Variants in KIF13B observed in about 807,000 individuals in gnomAD.
The protein encoded by KIF13B is kinesin-like protein KIF13B.
KIF13B carries 127 observed loss-of-function variants against 222.0 expected under a neutral mutation model. The observed-to-expected ratio is 0.57, with a 90% confidence interval of 0.50 to 0.66. KIF13B has a LOEUF of 0.66. Ranked by LOEUF, KIF13B falls within the 30% of genes least tolerant of loss-of-function variation. The pLI, the probability that KIF13B is intolerant of heterozygous loss-of-function variation, is 0.00. For missense variants in KIF13B, 2,173 were observed against 2,379.0 expected, an observed-to-expected ratio of 0.91 and a Z score of 1.80; for synonymous variants, 976 against 919.0, an observed-to-expected ratio of 1.06 and a Z score of -1.12.
intron 14 of KIF13B, among the ~76,000 whole-genome samples, chr8:29,152,632 C>T (rs1263477098): frequency 6.6e-6 from 1 of 151,992 alleles, no homozygotes; most frequent in African/African-American, 2.4e-5. Flanking sequence ...TTTTTTGAGA[C>T]ACAGTCTTGC....
chr8:29,177,522 T>C lies in KIF13B; in HGVS notation c.777A>G (p.Arg259=). 1 of 1,613,984 alleles carries C rather than the reference T, an allele frequency of 6.2e-7. No homozygotes were observed. Among genetic ancestry groups the C allele is most frequent in the Non-Finnish European group, 8.5e-7 (1 of 1,179,846 alleles). Residue 259 remains arginine, a synonymous_variant, in exon 9 of 40, where the codon CGA becomes CGG. Transcript: ENST00000524189. Reference sequence around the variant, plus strand: ...CCCCTGCAGCGCCTGTCTTCGTTGCTCGTTCACTGCCAGCTAAATCCACCA... The same window carrying C: ...CCCCTGCAGCGCCTGTCTTCGTTGCCCGTTCACTGCCAGCTAAATCCACCA... ...LSLVDLAGSE[R]ATKTGAAGDR...
chr8:29,204,692 A>T (rs888999085), intron 2 of KIF13B, among the ~76,000 whole-genome samples: 1 of 152,234 alleles, frequency 6.6e-6, no homozygotes, highest in Non-Finnish European at 1.5e-5. Flanking sequence ...AATAACTTCA[A>T]GGTATTCTAT....
rs754850530 is a variant in KIF13B at position 29,142,166 on chromosome 8, T to C, written c.2325A>G (p.Glu775=). 4.3e-6 allele frequency: 7 copies of C among 1,612,856 alleles called. No homozygotes were observed. Among genetic ancestry groups the C allele is most frequent in the Admixed American group, 3.3e-5 (2 of 59,970 alleles). ...CTCTTAAATAACTTACTGGGTTATC[T>C]TCTTCACACTCTTTCCACTCCTGAT... The part of the protein sequence containing the change: ...DLYQEWKECE[E]DNPVIRSYFK... Residue 775 remains glutamate (E), a synonymous_variant, in exon 19 of 40, where the codon GAA becomes GAG. Transcript: ENST00000524189.
At chr8:29,168,639 G>A (rs943779494) in intron 10 of KIF13B, among the ~76,000 whole-genome samples, 5 of 152,246 alleles carry the variant, frequency 3.3e-5, no homozygotes, top group Non-Finnish European at 5.9e-5. Flanking sequence ...ACAGGCACGA[G>A]TTTGGAAGCA....
At chr8:29,140,371 C>G in intron 20 of KIF13B, 97 bp downstream of exon 20, 7 of 1,421,138 alleles carry the variant, frequency 4.9e-6, no homozygotes, top group Non-Finnish European at 5.8e-6. Context: ...ATTAATAAGA[C>G]ACGTTACTGA....
intron 13 of KIF13B, among the ~76,000 whole-genome samples, chr8:29,156,756 A>T (rs947341298): frequency 1.3e-5 from 2 of 151,680 alleles, no homozygotes; most frequent in African/African-American, 4.8e-5. Context: ...CCTGGGCTCA[A>T]GCAATCCTTC....
chr8:29,173,464 T>C (rs1812337133), intron 10 of KIF13B, among the ~76,000 whole-genome samples: 1 of 61,154 alleles, frequency 1.6e-5, no homozygotes, highest in African/African-American at 4.1e-5. Flanking sequence ...CTACTAAAAA[T>C]TGAAAAAAAA....
rs948070970 is a variant in KIF13B, at chr8:29,071,601, C to T, written c.5218+19G>A. 4 of 1,542,364 alleles carry T rather than the reference C, an allele frequency of 2.6e-6. No homozygotes were observed. Among genetic ancestry groups the T allele is most frequent in the Admixed American group, 3.9e-5 (2 of 51,018 alleles). The stretch of plus-strand genomic sequence containing the variant: ...AGACCCCCGGCACCACCCTGGAGCC[C>T]GGAGTGCCCGGTACCCACCTGAGGG... On this transcript the variant is annotated intron_variant, in intron 39 of 39. Coordinates refer to ENST00000524189, the MANE Select transcript of KIF13B (RefSeq NM_015254.4). The surrounding 1 kb of genome is among the most constrained non-coding windows in gnomAD (Gnocchi z 4.9).
intron 22 of KIF13B, among the ~76,000 whole-genome samples, chr8:29,132,838 T>C (rs997357411): frequency 6.6e-6 from 1 of 152,218 alleles, no homozygotes; most frequent in Admixed American, 6.5e-5. Context: ...AGGTAGTGTG[T>C]TGCAAAAACA....
intron 36 of KIF13B, among the ~76,000 whole-genome samples, chr8:29,095,639 T>C (rs953444295): frequency 6.6e-6 from 1 of 152,046 alleles, no homozygotes; most frequent in African/African-American, 2.4e-5. Context: ...TGGTGGCACA[T>C]GCCTGTAATC....
At chr8:29,192,850 A>G (rs2130360101) in intron 3 of KIF13B, among the ~76,000 whole-genome samples, 1 of 152,294 alleles carries the variant, frequency 6.6e-6, no homozygotes, top group Admixed American at 6.5e-5. Context: ...TTTGAAACCA[A>G]GAGTGCTTGC....
chr8:29,250,118 G>C (rs1404398030), intron 1 of KIF13B: 7 of 1,131,150 alleles, frequency 6.2e-6, no homozygotes, highest in Non-Finnish European at 8.3e-6. Flanking sequence ...TCAACTCTCC[G>C]GAAATCTACT....
intron 14 of KIF13B, among the ~76,000 whole-genome samples, chr8:29,154,093 T>G (rs187722632): frequency 6.6e-5 from 10 of 152,166 alleles, no homozygotes; most frequent in African/African-American, 2.4e-4. Context: ...GGAGGATCAT[T>G]TGAGCCCAGA....
intron 1 of KIF13B, among the ~76,000 whole-genome samples, chr8:29,248,010 C>T (rs191605534): frequency 3.0e-3 from 462 of 152,186 alleles, no homozygotes; most frequent in Non-Finnish European, 5.4e-3. Flanking sequence ...CATCTCGCAT[C>T]CACTGGGATA....
rs773734460 is a variant in KIF13B, at chr8:29,123,520, G to A, written c.3353-28C>T. The A allele has an allele frequency of 1.9e-6, 3 of 1,612,174 alleles. No homozygotes were observed. The East Asian group carries it at 6.7e-5, about 36-fold the overall frequency. On this transcript the variant is annotated intron_variant, in intron 27 of 39. Coordinates refer to ENST00000524189, the MANE Select transcript of KIF13B (RefSeq NM_015254.4). Reference sequence around the variant, plus strand: ...AGAACATCGAGAATGAGGATTCAATGACAAAACTTCACTTGCCATTTATCT... The same window carrying A: ...AGAACATCGAGAATGAGGATTCAATAACAAAACTTCACTTGCCATTTATCT...
chr8:29,124,744 C>T (rs527914177), intron 26 of KIF13B, among the ~76,000 whole-genome samples: 5 of 152,104 alleles, frequency 3.3e-5, no homozygotes, highest in South Asian at 2.1e-4. Flanking sequence ...ATTAGCCAGG[C>T]GTGGTGGCGG....
intron 2 of KIF13B, among the ~76,000 whole-genome samples, chr8:29,225,852 C>T (rs375396357): frequency 1.8e-3 from 268 of 152,312 alleles, no homozygotes; most frequent in African/African-American, 6.3e-3. Flanking sequence ...ACTAAGCTCA[C>T]AGTTGTCAGA....
chr8:29,104,746 T>G (rs148751696), intron 35 of KIF13B, among the ~76,000 whole-genome samples: 156 of 152,200 alleles, frequency 1.0e-3, no homozygotes, highest in African/African-American at 3.7e-3. Context: ...TTTCTTTTTT[T>G]TATTTTTTAT....
chr8:29,145,864 TGTG>T (rs1294294350), intron 18 of KIF13B: 1 of 151,478 alleles, frequency 6.6e-6, no homozygotes, highest in African/African-American at 2.4e-5. Flanking sequence ...GATAGAAGAT[TGTG>T]ATGGGACTTT....
Sources: allele counts gnomAD v4.1 joint callset (sites outside exome capture counted in the v4.1 genomes callset), GRCh38; gene constraint gnomAD v4.1.1; non-coding constraint Gnocchi (gnomAD v3.1); transcripts MANE v1.5; gene names NCBI Gene and HGNC (gene_info 2026-07-23, HGNC 2026-07-21).